Variants in ADAM18 observed in about 807,000 individuals in gnomAD.
ADAM18 encodes the protein ADAM metallopeptidase domain 18.
Under a neutral mutation model 94.4 loss-of-function variants are expected in ADAM18, and 117 were observed. The ratio of observed to expected loss-of-function variants is 1.24; its 90% CI spans 1.07 to 1.45. ADAM18 has a LOEUF of 1.45. Among genes scored for constraint, ADAM18 ranks in the 40% most tolerant of loss-of-function variants. The pLI, the probability that ADAM18 is intolerant of heterozygous loss-of-function variation, is 0.00. For missense variants in ADAM18, 936 were observed against 880.0 expected, an observed-to-expected ratio of 1.06 and a Z score of -0.81; for synonymous variants, 327 against 291.6, an observed-to-expected ratio of 1.12 and a Z score of -1.24.
At chr8:39,648,211 T>A in intron 11 of ADAM18, 133 bp from the exon 12 acceptor site, 1 of 572,708 alleles carries the variant, frequency 1.7e-6, no homozygotes, top group Non-Finnish European at 2.9e-6. Flanking sequence ...TTAATTATCC[T>A]TGGTTGAATC....
At chr8:39,637,367 C>A in intron 8 of ADAM18, 32 bp downstream of exon 8, 1 of 1,566,638 alleles carries the variant, frequency 6.4e-7, no homozygotes, top group African/African-American at 1.4e-5. Flanking sequence ...TTTCCATTTT[C>A]ATGAAAGTTT....
At chr8:39,627,704 C>T (rs1261122194) in intron 6 of ADAM18, among the ~76,000 whole-genome samples, 1 of 151,878 alleles carries the variant, frequency 6.6e-6, no homozygotes, top group Non-Finnish European at 1.5e-5. Flanking sequence ...TGTATTTAGA[C>T]CATTTATATT....
At chr8:39,637,128 C>G in intron 7 of ADAM18, 136 bp from the exon 8 acceptor site, 1 of 488,682 alleles carries the variant, frequency 2.0e-6, no homozygotes, top group Non-Finnish European at 3.4e-6. Flanking sequence ...AGAATTTGCT[C>G]AAATCTGCAC....
chr8:39,726,278 T>TTG (rs752595824), intron 19 of ADAM18, among the ~76,000 whole-genome samples: 62 of 134,712 alleles, frequency 4.6e-4, no homozygotes, highest in South Asian at 3.4e-3. Flanking sequence ...ACACACACAT[T>TTG]TGTGTGTGTG....
chr8:39,626,722 CT>C (rs34353795), intron 6 of ADAM18, among the ~76,000 whole-genome samples: 1 of 151,796 alleles, frequency 6.6e-6, no homozygotes, highest in African/African-American at 2.4e-5. Context: ...TTGAGGGTTC[CT>C]TTTGGAGTTG....
At chr8:39,669,450 G>T in intron 14 of ADAM18, among the ~76,000 whole-genome samples, 1 of 140,594 alleles carries the variant, frequency 7.1e-6, no homozygotes, top group African/African-American at 2.6e-5. Flanking sequence ...ATCTCCTAAT[G>T]CTATCCCTCC....
At chr8:39,655,301 A>G (rs1188961689) in intron 12 of ADAM18, among the ~76,000 whole-genome samples, 1 of 152,082 alleles carries the variant, frequency 6.6e-6, no homozygotes, top group Non-Finnish European at 1.5e-5. Flanking sequence ...TTCCCAGTGT[A>G]TGTTGTTGGA....
chr8:39,608,998 T>C, intron 3 of ADAM18, 44 bp from the exon 4 acceptor site: 1 of 1,118,794 alleles, frequency 8.9e-7, no homozygotes, highest in Non-Finnish European at 1.3e-6. Context: ...AACATTATAT[T>C]AAGATTATGA....
intron 6 of ADAM18, among the ~76,000 whole-genome samples, chr8:39,613,842 A>G (rs992021466): frequency 6.6e-6 from 1 of 152,238 alleles, no homozygotes; most frequent in East Asian, 1.9e-4. Context: ...AATCAGAAGT[A>G]TTAACAACAG....
chr8:39,654,130 G>GCTGCC (rs1820618734), intron 12 of ADAM18, among the ~76,000 whole-genome samples: 1 of 149,752 alleles, frequency 6.7e-6, no homozygotes, highest in Non-Finnish European at 1.5e-5. Flanking sequence ...CATCCATGTT[G>GCTGCC]CTGCCACTGA....
intron 6 of ADAM18, among the ~76,000 whole-genome samples, chr8:39,624,504 A>G (rs989556013): frequency 4.6e-5 from 7 of 152,174 alleles, no homozygotes; most frequent in African/African-American, 1.7e-4. Context: ...CCATTGGTCT[A>G]TGTATCTACT....
chr8:39,703,092 A>G (rs762692502), intron 17 of ADAM18, among the ~76,000 whole-genome samples: 15 of 152,192 alleles, frequency 9.9e-5, no homozygotes, highest in Non-Finnish European at 1.9e-4. Context: ...TGTTTTCACA[A>G]TATTGATTCT....
rs377343312 is a variant in ADAM18, at chr8:39,648,435, C to T, written c.1138C>T (p.Leu380Phe). 2.5e-6 allele frequency: 4 copies of T among 1,612,618 alleles called. No individual in the cohort carries two copies. The African/African-American group carries it at 5.3e-5, about 22-fold the overall frequency. ...SKFETKCLQK[L>F]SNLQPLHQNQ... is the part of the protein sequence containing the mutation. ...ATTTGAGACTAAATGCCTTCAGAAG[C>T]TTTCAAATTTGCAACCATTACATCA... The change falls in exon 12 of 20, where the codon CTT becomes TTT. Residue 380 changes from leucine (L) to phenylalanine (F), a missense_variant. By Grantham distance (22) the Leu-to-Phe change is conservative. Coordinates refer to ENST00000265707, the MANE Select transcript of ADAM18 (RefSeq NM_014237.3).
In ADAM18 at chr8:39,645,818, A is replaced by G. The variant is rs112195170; in HGVS notation, c.1046+344A>G. On this transcript the variant is annotated intron_variant, in intron 11 of 19. Transcript: ENST00000265707. ...TATTTTTAATTTTCAGTTGTTGGAA[A>G]TTATATACTCCAGGTAGAAGATAAC... Among the ~76,000 whole-genome samples, 8 of 152,258 alleles carry G rather than the reference A, an allele frequency of 5.3e-5. 1 individual carries two copies. The highest frequency in any genetic ancestry group is 1.9e-4 in the African/African-American group (8 of 41,586).
At chr8:39,630,791 G>A (rs574851688) in intron 7 of ADAM18, among the ~76,000 whole-genome samples, 1 of 151,988 alleles carries the variant, frequency 6.6e-6, no homozygotes, top group East Asian at 1.9e-4. Flanking sequence ...GTTACCTTTG[G>A]ACAATATTGG....
Position 39,602,062 on chromosome 8 carries a change from G to A in ADAM18, c.133-4245G>A, listed in dbSNP as rs148731768. On this transcript the variant is annotated intron_variant, in intron 2 of 19. Coordinates refer to ENST00000265707, the MANE Select transcript of ADAM18 (RefSeq NM_014237.3). ...TTTTCCACATTTTATTCGTCTATTC[G>A]TTACTGATGGGCATTTGGGTTGCTT... 1.6e-4 allele frequency among the ~76,000 whole-genome samples: 24 copies of A among 151,982 alleles called. No individual in the cohort carries two copies. The East Asian group carries it at 2.9e-3, about 18-fold the overall frequency.
At chr8:39,688,007 A>T (rs1821654324) in intron 16 of ADAM18, among the ~76,000 whole-genome samples, 1 of 152,182 alleles carries the variant, frequency 6.6e-6, no homozygotes, top group African/African-American at 2.4e-5. Context: ...TGCTGGGTCA[A>T]ATTGTAGCTC....
chr8:39,605,662 G>C (rs961663019), intron 2 of ADAM18: 1 of 199,830 alleles, frequency 5.0e-6, no homozygotes. Flanking sequence ...ATGCTAAAAT[G>C]CTAAATATAT....
chr8:39,599,243 C>T (rs1818833141), intron 2 of ADAM18, among the ~76,000 whole-genome samples: 3 of 152,056 alleles, frequency 2.0e-5, no homozygotes, highest in African/African-American at 7.2e-5. Context: ...GTAAACCTCA[C>T]TTGGTTGTAA....
Sources: allele counts gnomAD v4.1 joint callset (sites outside exome capture counted in the v4.1 genomes callset), GRCh38; gene constraint gnomAD v4.1.1; transcripts MANE v1.5; gene names NCBI Gene and HGNC (gene_info 2026-07-23, HGNC 2026-07-21).